UBQLN4: variants seen among roughly 807,000 people sequenced by gnomAD.
UBQLN4 encodes ubiquilin 4, also known as ubiquilin-4.
Under a neutral mutation model 60.4 loss-of-function variants are expected in UBQLN4, and 11 were observed. The observed-to-expected ratio is 0.18, with a 90% CI of 0.11 to 0.30. UBQLN4 has a LOEUF of 0.30. Ranked by LOEUF, UBQLN4 falls within the 10% of genes least tolerant of loss-of-function variation. The pLI, the probability that UBQLN4 is intolerant of heterozygous loss-of-function variation, is 1.00. For synonymous variants in UBQLN4, 258 were observed against 313.1 expected, an observed-to-expected ratio of 0.82 and a Z score of 1.86; for missense variants, 417 against 795.5, an observed-to-expected ratio of 0.52 and a Z score of 5.72.
At chr1:156,043,220 G>T (rs1436270279) in intron 6 of UBQLN4, among the ~76,000 whole-genome samples, 1 of 152,206 alleles carries the variant, frequency 6.6e-6, no homozygotes, top group Non-Finnish European at 1.5e-5. Context: ...AATTTGGAAA[G>T]AAATGATTAA....
rs540247372 is a variant in UBQLN4 at position 156,035,947 on chromosome 1, C to G, written c.*1031G>C. 21 of 985,618 alleles carry G rather than the reference C, an allele frequency of 2.1e-5. No homozygotes were observed. In the Admixed American group the frequency reaches 2.5e-4, roughly 12 times the overall value. The allele number at this position is 985,618 out of a possible 1,614,324, so 61.1% of individuals were successfully genotyped here. On this transcript the variant is annotated 3_prime_UTR_variant, in exon 11 of 11. Coordinates refer to ENST00000368309, the MANE Select transcript of UBQLN4 (RefSeq NM_020131.5). ...TGCACCTCCCCACTACTCACACAGA[C>G]CCCAACCCCCTTCATGTCTTTTGAG...
chr1:156,033,383 G>T (rs1284324737), downstream of UBQLN4: 4 of 723,540 alleles, frequency 5.5e-6, no homozygotes, highest in East Asian at 1.3e-4. Context: ...GGTTTTTTTT[G>T]TTTTGTTTTG....
At position 156,050,516 on chromosome 1, in the gene UBQLN4, G is replaced by T; in HGVS notation, c.516C>A (p.Gly172=). The change falls in exon 4 of 11, where the codon GGC becomes GGA. Residue 172 remains glycine (G), a synonymous_variant. Transcript: ENST00000368309. This position sits in a 1 kb window ranked among gnomAD's most constrained non-coding sequence, Gnocchi z 4.6. ...FGGILGLGSL[G]LGSANFMELQ... ...GCTCCATGAAGTTGGCAGAGCCCAG[G>T]CCTAGGCTGCCCAGCCCCAGGATGC... 6.2e-7 allele frequency: 1 copy of T among 1,613,462 alleles called. No homozygotes were observed. Among genetic ancestry groups the T allele is most frequent in the Non-Finnish European group, 8.5e-7 (1 of 1,179,734 alleles).
chr1:156,042,738 C>G (rs200333037), intron 7 of UBQLN4, 36 bp downstream of exon 7: 5 of 1,605,310 alleles, frequency 3.1e-6, no homozygotes, highest in Non-Finnish European at 4.3e-6. Flanking sequence ...GAGGAACTCT[C>G]TCCCCAACAA....
chr1:156,043,761 T>C (rs180898688), intron 6 of UBQLN4, among the ~76,000 whole-genome samples: 1 of 152,254 alleles, frequency 6.6e-6, no homozygotes, highest in East Asian at 1.9e-4. Flanking sequence ...TCATGGAGCT[T>C]AGGAAGTGGG....
At chr1:156,046,370 C>T (rs1306755195) in intron 5 of UBQLN4, among the ~76,000 whole-genome samples, 1 of 148,136 alleles carries the variant, frequency 6.8e-6, no homozygotes, top group Non-Finnish European at 1.5e-5. Flanking sequence ...TGGTGGCGGG[C>T]GCCTGTGGTC....
rs1429053650 is a variant in UBQLN4 at position 156,048,550 on chromosome 1, C to T, written c.851G>A (p.Arg284His). Residue 284 changes from arginine (R) to histidine (H), a missense_variant, in exon 5 of 11, where the codon CGC becomes CAC. Coordinates refer to ENST00000368309, the MANE Select transcript of UBQLN4 (RefSeq NM_020131.5). The surrounding 1 kb of genome is among the most constrained non-coding windows in gnomAD (Gnocchi z 4.9). ...SIPGGYNALRRMYTDIQEPMF... is the reference protein window; with the variant it reads ...SIPGGYNALRHMYTDIQEPMF... ...GGGCTCCTGGATGTCCGTGTACATG[C>T]GGCGGAGGGCATTATACCCTCCAGG... The T allele has an allele frequency of 3.7e-6, 6 of 1,613,322 alleles. No homozygotes were observed. The highest frequency in any genetic ancestry group is 1.7e-5 in the Admixed American group (1 of 60,008).
In UBQLN4 at chr1:156,042,775, T is replaced by C; in HGVS notation, c.1265A>G (p.Gln422Arg). ...ACTCTCCTCATGCTGGTTTCATACC[T>C]GAGCAGCAAAGTCGGGGTTCTGGGC... Reference protein sequence around the residue: ...TLAQNPDFAAQMMVNVPLFAG... With the variant: ...TLAQNPDFAARMMVNVPLFAG... The change falls in exon 7 of 11, where the codon CAG becomes CGG. Residue 422 changes from glutamine (Q) to arginine (R), a missense_variant and splice_region_variant. Gln to Arg is a conservative substitution (Grantham distance 43, BLOSUM62 1). Transcript: ENST00000368309. 6.2e-7 allele frequency: 1 copy of C among 1,613,916 alleles called. No individual in the cohort carries two copies. The highest frequency in any genetic ancestry group is 8.5e-7 in the Non-Finnish European group (1 of 1,179,986).
intron 5 of UBQLN4, among the ~76,000 whole-genome samples, chr1:156,045,370 A>T (rs1683670997): frequency 6.6e-6 from 1 of 152,168 alleles, no homozygotes; most frequent in African/African-American, 2.4e-5. Context: ...TTGTTCTGAT[A>T]CTTGCCTAGC....
At chr1:156,032,291 C>T (rs1437389809), downstream of UBQLN4, among the ~76,000 whole-genome samples, 4 of 151,110 alleles carry the variant, frequency 2.6e-5, no homozygotes, top group African/African-American at 9.7e-5. Context: ...CGTGAGCCAC[C>T]GCGCCCGGCC....
At chr1:156,034,825 C>CTATATATATATATTA (rs1553255404), downstream of UBQLN4, among the ~76,000 whole-genome samples, 13 of 46,382 alleles carry the variant, frequency 2.8e-4, no homozygotes, top group African/African-American at 1.1e-3. Flanking sequence ...CCTTAACCTT[C>CTATATATATATATTA]TATATATATA....
chr1:156,045,038 C>T (rs755698666), intron 5 of UBQLN4, among the ~76,000 whole-genome samples: 38 of 152,170 alleles, frequency 2.5e-4, no homozygotes, highest in Non-Finnish European at 3.7e-4. Flanking sequence ...AACCTCCTCC[C>T]CTCCAGCACC....
At chr1:156,044,881 C>T (rs563373864) in intron 5 of UBQLN4, among the ~76,000 whole-genome samples, 142 of 152,242 alleles carry the variant, frequency 9.3e-4, no homozygotes, top group Non-Finnish European at 4.1e-4. Context: ...CTGCTCCAAA[C>T]CCTACCTCTA....
rs1252626943 is a variant in UBQLN4 at position 156,042,828 on chromosome 1, G to C, written c.1212C>G (p.Pro404=). 1.2e-6 allele frequency: 2 copies of C among 1,614,108 alleles called. No homozygotes were observed. The highest frequency in any genetic ancestry group is 1.7e-6 in the Non-Finnish European group (2 of 1,180,040). ...PQLMQNVISA[P]YMRSMMQTLA... is the part of the protein sequence containing the mutation. The stretch of plus-strand genomic sequence containing the variant: ...GCGTCTGCATCATGCTGCGCATGTA[G>C]GGTGCTGAGATCACATTCTGCATCA... The change falls in exon 7 of 11, where the codon CCC becomes CCG. Residue 404 remains proline (P), a synonymous_variant. Coordinates refer to ENST00000368309, the MANE Select transcript of UBQLN4 (RefSeq NM_020131.5).
chr1:156,045,851 A>T (rs1558088404), intron 5 of UBQLN4, among the ~76,000 whole-genome samples: 1 of 148,094 alleles, frequency 6.8e-6, no homozygotes, highest in Non-Finnish European at 1.5e-5. Context: ...ACTTGTAATA[A>T]TTTTTTTTTT....
intron 9 of UBQLN4, 39 bp from the exon 10 acceptor site, chr1:156,041,710 C>T: frequency 4.1e-6 from 6 of 1,475,666 alleles, no homozygotes; most frequent in Non-Finnish European, 5.4e-6. Flanking sequence ...AGATGGCATC[C>T]AAGAAAGGGA....
At chr1:156,034,296 C>CTT (rs59303673), downstream of UBQLN4, among the ~76,000 whole-genome samples, 93,708 of 123,238 alleles carry the variant, frequency 0.76, 37,795 homozygotes, top group East Asian at 0.97. Flanking sequence ...TTTTGTTTTA[C>CTT]TTTTTTTTTT....
downstream of UBQLN4, among the ~76,000 whole-genome samples, chr1:156,033,793 G>A (rs150371544): frequency 2.4e-3 from 359 of 150,008 alleles, no homozygotes; most frequent in African/African-American, 8.5e-3. Context: ...GCAGTGAGCC[G>A]AGATTGCATC....
At chr1:156,039,102 CT>C (rs1464471715) in intron 10 of UBQLN4, among the ~76,000 whole-genome samples, 2 of 151,456 alleles carry the variant, frequency 1.3e-5, no homozygotes, top group East Asian at 2.0e-4. Flanking sequence ...TGCACTAAGA[CT>C]TTTTTTAAAA....
Sources: gnomAD v4.1 joint callset for allele counts (sites outside exome capture counted in the v4.1 genomes callset) on GRCh38, gnomAD v4.1.1 for gene constraint, Gnocchi (gnomAD v3.1) non-coding constraint, MANE v1.5 for transcripts, NCBI Gene and HGNC (gene_info 2026-07-23, HGNC 2026-07-21) for gene names.